The following LYPD8 variants were observed in gnomAD, a reference collection of about 807,000 sequenced individuals.
LYPD8 encodes LY6/PLAUR domain containing 8.
LYPD8 carries 8 observed loss-of-function variants against 1.7 expected under a neutral mutation model. That is an observed-to-expected ratio of 4.58 (90% confidence interval 2.69 to 8.27). The LOEUF (loss-of-function observed/expected upper bound fraction) is 8.27. Ranked by LOEUF, LYPD8 falls within the 30% of genes most tolerant of loss-of-function variation. LYPD8 has a pLI of 0.00. For missense variants in LYPD8, 112 were observed against 102.3 expected (o/e 1.09, Z -0.41); for synonymous variants, 50 against 43.6 (o/e 1.15, Z -0.58).
At chr1:248,745,060 G>A (rs1391108439) in intron 6 of LYPD8, 82 bp downstream of exon 6, 10 of 396,688 alleles carry the variant, frequency 2.5e-5, no homozygotes, top group Non-Finnish European at 4.4e-5. Flanking sequence ...TGGTCCTTCT[G>A]TGTTAACCCA....
rs1662884030 is a variant in LYPD8 at position 248,753,990 on chromosome 1, A to T, written c.-50+1249T>A. Among the ~76,000 whole-genome samples the T allele has an allele frequency of 2.0e-5, 3 of 149,134 alleles. No homozygotes were observed. The South Asian group carries it at 6.5e-4, about 32-fold the overall frequency. The stretch of plus-strand genomic sequence containing the variant: ...ATGACACACACCACACACTCCACAC[A>T]TCACATACACACTGCACATACACTA... On this transcript the variant is annotated intron_variant, in intron 2 of 6. Coordinates refer to ENST00000590317, the MANE Select transcript of LYPD8 (RefSeq NM_001085474.2).
intron 2 of LYPD8, among the ~76,000 whole-genome samples, chr1:248,754,430 ACAC>A (rs1311209586): frequency 2.7e-5 from 4 of 150,898 alleles, no homozygotes; most frequent in Non-Finnish European, 5.9e-5. Context: ...AATACACCAC[ACAC>A]CTCACACACG....
Position 248,739,711 on chromosome 1 carries a change from G to A in LYPD8, c.614C>T (p.Thr205Ile), listed in dbSNP as rs373408802. 3.6e-4 allele frequency: 564 copies of A among 1,551,604 alleles called. No individual in the cohort carries two copies. Among genetic ancestry groups the A allele is most frequent in the Non-Finnish European group, 4.8e-4 (547 of 1,147,010 alleles). Residue 205 changes from threonine (T) to isoleucine (I), a missense_variant, in exon 7 of 7, where the codon ACC (threonine) becomes ATC (isoleucine). Thr to Ile is a moderately conservative substitution (Grantham distance 89). Transcript: ENST00000590317. This position sits in a 1 kb window ranked among gnomAD's most constrained non-coding sequence, Gnocchi z 4.3. ...KFECANVNSLTPTSAPTTSHN... is the reference protein window; with the variant it reads ...KFECANVNSLIPTSAPTTSHN... ...GGAAGTGGTTGGTGCAGACGTGGGG[G>A]TTAAGCTGTTTACATTTGCACACTC... is the stretch of plus-strand genomic sequence containing the variant.
chr1:248,739,467 G>A lies in LYPD8; in HGVS notation c.*144C>T, dbSNP rs1265562626. On this transcript the variant is annotated 3_prime_UTR_variant, in exon 7 of 7. Coordinates refer to ENST00000590317, the MANE Select transcript of LYPD8 (RefSeq NM_001085474.2). The surrounding 1 kb of genome is among the most constrained non-coding windows in gnomAD (Gnocchi z 4.3). ...AATAATGAAGAACAAGGCAGCTGTC[G>A]GCATTGCCTGGAGACCTGTGACTCC... The A allele has an allele frequency of 1.5e-5, 16 of 1,087,632 alleles. No individual in the cohort carries two copies. Among genetic ancestry groups the A allele is most frequent in the Admixed American group, 7.8e-5 (3 of 38,456 alleles). 67.4% of individuals were successfully genotyped at this position (1,087,632 alleles called of 1,614,324 possible).
At chr1:248,743,388 C>T (rs975269024) in intron 6 of LYPD8, among the ~76,000 whole-genome samples, 1 of 152,032 alleles carries the variant, frequency 6.6e-6, no homozygotes, top group Admixed American at 6.5e-5. Flanking sequence ...TCACTTGAAC[C>T]CAGGAGACGG....
At chr1:248,742,052 C>T (rs764585528) in intron 6 of LYPD8, among the ~76,000 whole-genome samples, 1 of 152,216 alleles carries the variant, frequency 6.6e-6, no homozygotes, top group Non-Finnish European at 1.5e-5. Flanking sequence ...CTACATTTGT[C>T]CAAACTCATG....
intron 6 of LYPD8, among the ~76,000 whole-genome samples, chr1:248,740,430 G>T (rs571360376): frequency 6.6e-6 from 1 of 152,352 alleles, no homozygotes; most frequent in African/African-American, 2.4e-5. Context: ...CGTGTTTTGA[G>T]ATTCATGTAC....
intron 3 of LYPD8, 123 bp from the exon 4 acceptor site, chr1:248,750,766 C>T (rs1558208185): frequency 3.5e-5 from 14 of 397,744 alleles, no homozygotes; most frequent in Non-Finnish European, 6.2e-5. Context: ...CATCCCTGCC[C>T]TCTGGGGATA....
intron 3 of LYPD8, 82 bp from the exon 4 acceptor site, chr1:248,750,725 C>G (rs1662786614): frequency 2.5e-6 from 1 of 398,154 alleles, no homozygotes; most frequent in Admixed American, 4.4e-5. Context: ...AAGCACTGCT[C>G]CCACCTTGCA....
chr1:248,753,189 C>CAA (rs1662853127), intron 2 of LYPD8, among the ~76,000 whole-genome samples: 1 of 92,944 alleles, frequency 1.1e-5, no homozygotes, highest in African/African-American at 4.7e-5. Flanking sequence ...CACACACACA[C>CAA]CACATCACAC....
chr1:248,750,895 G>A, intron 3 of LYPD8, 135 bp downstream of exon 3: 1 of 397,990 alleles, frequency 2.5e-6, no homozygotes, highest in Non-Finnish European at 4.4e-6. Flanking sequence ...AAAGCAGGCT[G>A]CACGGACAGG....
At position 248,739,960 on chromosome 1, in the gene LYPD8, T is replaced by G. The variant is rs568235095; in HGVS notation, c.476-111A>C. 132 of 1,413,330 alleles carry G rather than the reference T, an allele frequency of 9.3e-5. No individual in the cohort carries two copies. Among genetic ancestry groups the G allele is most frequent in the Non-Finnish European group, 1.2e-4 (129 of 1,048,934 alleles). The allele number at this position is 1,413,330 out of a possible 1,614,324, so 87.5% of individuals were successfully genotyped here. A position where few individuals can be genotyped will look rare whatever the true frequency, so the allele number is the denominator to read the frequency against. On this transcript the variant is annotated intron_variant, in intron 6 of 6. Transcript: ENST00000590317. The surrounding 1 kb of genome is among the most constrained non-coding windows in gnomAD (Gnocchi z 4.3). ...CGGTGGCCCGGTGACCAGCAAGAGCTGGTGTGCTCCTGAAGCCCAGGCAGG... is the reference window on the plus strand; with the variant it reads ...CGGTGGCCCGGTGACCAGCAAGAGCGGGTGTGCTCCTGAAGCCCAGGCAGG...
intron 6 of LYPD8, among the ~76,000 whole-genome samples, chr1:248,742,104 A>G (rs1662610696): frequency 6.6e-6 from 1 of 152,262 alleles, no homozygotes; most frequent in South Asian, 2.1e-4. Flanking sequence ...TAAGCTATCA[A>G]CTTTGGGTGA....
chr1:248,739,557 C>G lies in LYPD8; in HGVS notation c.*54G>C, dbSNP rs1411645065. ...GGGTGTCAGCACCGCAGGGGGTGCT[C>G]TGGACCTCAGAGAAGCAGAAATGGG... is the stretch of plus-strand genomic sequence containing the variant. On this transcript the variant is annotated 3_prime_UTR_variant, in exon 7 of 7. Coordinates refer to ENST00000590317, the MANE Select transcript of LYPD8 (RefSeq NM_001085474.2). This position sits in a 1 kb window ranked among gnomAD's most constrained non-coding sequence, Gnocchi z 4.3. 22 of 1,548,516 alleles carry G rather than the reference C, an allele frequency of 1.4e-5. No individual in the cohort carries two copies. Among genetic ancestry groups the G allele is most frequent in the African/African-American group, 5.5e-5 (4 of 72,900 alleles).
At chr1:248,746,495 G>C (rs1406754875) in intron 5 of LYPD8, among the ~76,000 whole-genome samples, 1 of 152,244 alleles carries the variant, frequency 6.6e-6, no homozygotes, top group Non-Finnish European at 1.5e-5. Flanking sequence ...AGGGAAAGGA[G>C]AATGGTTGAA....
Position 248,739,776 on chromosome 1 carries a change from A to G in LYPD8, c.549T>C (p.Gly183=). The part of the protein sequence containing the change: ...VSNATCQFLS[G]ENKTLGGVIF... ...TGACTCCTCCAAGAGTCTTGTTTTC[A>G]CCAGACAGGAACTGACAGGTGGCGT... is the stretch of plus-strand genomic sequence containing the variant. The change falls in exon 7 of 7, where the codon GGT becomes GGC. Residue 183 remains glycine (G), a synonymous_variant. Transcript: ENST00000590317. The surrounding 1 kb of genome is among the most constrained non-coding windows in gnomAD (Gnocchi z 4.3). The G allele has an allele frequency of 2.6e-6, 4 of 1,551,780 alleles. No individual in the cohort carries two copies. The highest frequency in any genetic ancestry group is 3.5e-6 in the Non-Finnish European group (4 of 1,147,014).
intron 2 of LYPD8, among the ~76,000 whole-genome samples, chr1:248,753,858 A>G (rs1238549688): frequency 2.7e-5 from 4 of 149,064 alleles, no homozygotes; most frequent in African/African-American, 9.9e-5. Context: ...CACATGACAC[A>G]TACACCACAC....
chr1:248,752,862 C>CACCACACACCCCACACAACACAT (rs1662836795), intron 2 of LYPD8, among the ~76,000 whole-genome samples: 1 of 92,732 alleles, frequency 1.1e-5, no homozygotes, highest in African/African-American at 4.9e-5. Flanking sequence ...CCACACCACA[C>CACCACACACCCCACACAACACAT]ACACACCACA....
Position 248,748,334 on chromosome 1 carries a change from G to T in LYPD8, c.292C>A (p.Gln98Lys). Reference protein sequence around the residue: ...SAEEHFHFVSQCCQGKECSNT... With the variant: ...SAEEHFHFVSKCCQGKECSNT... ...CTGCATTCCTTTCCTTGGCAGCACT[G>T]GCTTACAAAATGAAAGTGTTCTTCA... Residue 98 changes from glutamine to lysine, a missense_variant, in exon 5 of 7, where the codon CAG (glutamine) becomes AAG (lysine). By Grantham distance (53) the Gln-to-Lys change is moderately conservative. Transcript: ENST00000590317. The T allele has an allele frequency of 2.1e-6, 1 of 467,722 alleles. No individual in the cohort carries two copies. The allele number at this position is 467,722 out of a possible 1,614,324, so 29.0% of individuals were successfully genotyped here.
Sources: gnomAD v4.1 joint callset for allele counts (sites outside exome capture counted in the v4.1 genomes callset) on GRCh38, gnomAD v4.1.1 for gene constraint, Gnocchi (gnomAD v3.1) non-coding constraint, MANE v1.5 for transcripts, NCBI Gene and HGNC (gene_info 2026-07-23, HGNC 2026-07-21) for gene names.